The following TPPP2 variants were observed in gnomAD, a reference collection of about 807,000 sequenced individuals.
The protein encoded by TPPP2 is tubulin polymerization promoting protein family member 2.
Under a neutral mutation model 13.0 loss-of-function variants are expected in TPPP2, and 8 were observed. The observed-to-expected ratio is 0.62, with a 90% CI of 0.36 to 1.11. TPPP2 has a LOEUF of 1.11. Ranked by LOEUF, TPPP2 falls within the 50% of genes most tolerant of loss-of-function variation. The pLI is 0.02. For synonymous variants in TPPP2, 81 were observed against 81.8 expected (o/e 0.99, Z 0.05); for missense variants, 213 against 216.9 (o/e 0.98, Z 0.11).
intron 2 of TPPP2, 97 bp from the exon 3 acceptor site, chr14:21,030,915 G>A (rs1884057790): frequency 6.5e-7 from 1 of 1,530,986 alleles, no homozygotes; most frequent in Non-Finnish European, 8.8e-7. Flanking sequence ...CTGATTGATA[G>A]GACAAAAGAG....
upstream of TPPP2, chr14:21,025,295 A>G: frequency 1.1e-6 from 1 of 941,826 alleles, no homozygotes; most frequent in Non-Finnish European, 1.3e-6. This position sits in a 1 kb window ranked among gnomAD's most constrained non-coding sequence, Gnocchi z 5.1. Context: ...AAAACATTCC[A>G]CCACCCCCTC....
At chr14:21,036,149 C>A, downstream of TPPP2, 1 of 455,662 alleles carries the variant, frequency 2.2e-6, no homozygotes, top group Non-Finnish European at 4.4e-6. Flanking sequence ...CAATCTTAAA[C>A]TTTTCCCAAG....
In TPPP2 at chr14:21,032,059, C is replaced by G. The variant is rs76101114; in HGVS notation, c.495C>G (p.Tyr165Ter). 8,016 of 1,613,678 alleles carry G rather than the reference C, an allele frequency of 5.0e-3. 251 individuals are homozygous for G. In the African/African-American group the frequency reaches 0.078, roughly 16 times the overall value. ...YVSGYKGSGT[Y>*]DKKTK ...GTGGTTACAAGGGTTCTGGCACCTA[C>G]GATAAGAAGACCAAGTAGAGAGGAG... is the stretch of plus-strand genomic sequence containing the variant. The change falls in exon 4 of 4, where the codon TAC (tyrosine) becomes TAG (stop). Residue 165 changes from tyrosine (Y) to a stop codon, truncating the protein, a stop_gained. Transcript: ENST00000321760. LOFTEE classifies it high-confidence loss of function.
upstream of TPPP2, among the ~76,000 whole-genome samples, chr14:21,027,889 T>A (rs1186382707): frequency 6.6e-6 from 1 of 152,220 alleles, no homozygotes; most frequent in Non-Finnish European, 1.5e-5. Context: ...AGGGGCATTC[T>A]ATCCAGGCAC....
chr14:21,028,241 TTTTTG>T (rs71112541), upstream of TPPP2, among the ~76,000 whole-genome samples: 8 of 150,340 alleles, frequency 5.3e-5, no homozygotes, highest in South Asian at 2.1e-4. Context: ...CTTGGGGTTC[TTTTTG>T]TTTTGTTTTG....
downstream of TPPP2, chr14:21,034,424 G>T: frequency 1.5e-6 from 1 of 674,294 alleles, no homozygotes; most frequent in South Asian, 2.0e-5. Context: ...AAGTTCTCAT[G>T]ACCCAGAAAG....
intron 3 of TPPP2, 121 bp downstream of exon 3, chr14:21,031,286 T>C: frequency 7.6e-7 from 1 of 1,313,818 alleles, no homozygotes. Context: ...ACTTTAGAGA[T>C]CATCTAGACA....
chr14:21,028,160 C>G (rs986050267), upstream of TPPP2, among the ~76,000 whole-genome samples: 1 of 152,164 alleles, frequency 6.6e-6, no homozygotes, highest in Non-Finnish European at 1.5e-5. Context: ...CCCAAGTAGC[C>G]TGTCAAGTGT....
At chr14:21,026,418 GAACTTGAGCTGCCAACTGCAAC>G (rs1399953261), upstream of TPPP2, among the ~76,000 whole-genome samples, 2 of 151,174 alleles carry the variant, frequency 1.3e-5, no homozygotes, top group Admixed American at 1.3e-4. Flanking sequence ...ATGGCCAATG[GAACTTGAGCTGCCAACTGCAAC>G]ACCAGCACCG....
Position 21,030,544 on chromosome 14 carries a change from T to C in TPPP2, c.-38T>C, listed in dbSNP as rs1206132048. The C allele has an allele frequency of 1.3e-6, 2 of 1,596,566 alleles. No individual in the cohort carries two copies. The highest frequency in any genetic ancestry group is 1.7e-6 in the Non-Finnish European group (2 of 1,169,460). On this transcript the variant is annotated 5_prime_UTR_variant, in exon 2 of 4. Transcript: ENST00000321760. The stretch of plus-strand genomic sequence containing the variant: ...CTCCCCCTTCTCCTTCACCCCCAAG[T>C]GTCTCCCACGACTGCCCTCCCCGAC...
chr14:21,025,360 C>A, upstream of TPPP2: 1 of 985,424 alleles, frequency 1.0e-6, no homozygotes, highest in Non-Finnish European at 1.2e-6. This position sits in a 1 kb window ranked among gnomAD's most constrained non-coding sequence, Gnocchi z 5.1. Context: ...GAGAGGGATC[C>A]CTCGGCTGCC....
upstream of TPPP2, chr14:21,028,364 A>G (rs887766741): frequency 6.6e-6 from 1 of 152,068 alleles, no homozygotes; most frequent in African/African-American, 2.4e-5. Flanking sequence ...CAATCCTCCC[A>G]CTTCAGCCTC....
rs1438190653 is a variant in TPPP2, at chr14:21,030,248, G to A, written c.-126G>A. 3 of 251,424 alleles carry A rather than the reference G, an allele frequency of 1.2e-5. No individual in the cohort carries two copies. In the Admixed American group the frequency reaches 1.5e-4, roughly 12 times the overall value. 15.6% of individuals were successfully genotyped at this position (251,424 alleles called of 1,614,324 possible). The stretch of plus-strand genomic sequence containing the variant: ...ACAGCCAACCGGCTCCCACATATCT[G>A]CACACACTTAAATACAAAGGCCGGG... On this transcript the variant is annotated 5_prime_UTR_variant, in exon 1 of 4. Transcript: ENST00000321760.
At chr14:21,027,974 G>A (rs768531), upstream of TPPP2, among the ~76,000 whole-genome samples, 104,409 of 152,022 alleles carry the variant, frequency 0.69, 36,181 homozygotes, top group East Asian at 0.82. Flanking sequence ...AGCTTCCCAT[G>A]TATTATCCCC....
upstream of TPPP2, chr14:21,025,471 C>T: frequency 1.0e-6 from 1 of 985,448 alleles, no homozygotes; most frequent in Non-Finnish European, 1.2e-6. The surrounding 1 kb of genome is among the most constrained non-coding windows in gnomAD (Gnocchi z 5.1). Flanking sequence ...GGAGACGAAC[C>T]CGGGATACTG....
chr14:21,034,136 A>C (rs909333263), downstream of TPPP2: 6 of 1,614,200 alleles, frequency 3.7e-6, no homozygotes, highest in Non-Finnish European at 5.1e-6. Flanking sequence ...GACCATTACA[A>C]TAGCCCCGGA....
At position 21,032,044 on chromosome 14, in the gene TPPP2, G is replaced by A; in HGVS notation, c.480G>A (p.Lys160=). The A allele has an allele frequency of 5.6e-6, 9 of 1,614,140 alleles. No homozygotes were observed. The highest frequency in any genetic ancestry group is 2.7e-5 in the African/African-American group (2 of 75,036). ...ACACAGGCTATGTGAGTGGTTACAA[G>A]GGTTCTGGCACCTACGATAAGAAGA... is the stretch of plus-strand genomic sequence containing the variant. ...TDNTGYVSGY[K]GSGTYDKKTK The change falls in exon 4 of 4, where the codon AAG becomes AAA. Residue 160 remains lysine (K), a synonymous_variant. Transcript: ENST00000321760.
chr14:21,034,446 G>T, downstream of TPPP2: 1 of 630,060 alleles, frequency 1.6e-6, no homozygotes, highest in South Asian at 2.0e-5. Context: ...GGAGATGCTT[G>T]CCCAAGGCCA....
upstream of TPPP2, among the ~76,000 whole-genome samples, chr14:21,029,839 C>T: frequency 6.6e-6 from 1 of 152,248 alleles, no homozygotes; most frequent in East Asian, 1.9e-4. Flanking sequence ...TCTGCCAGCA[C>T]CTTGATCTTA....
Sources: gnomAD v4.1 joint callset for allele counts (sites outside exome capture counted in the v4.1 genomes callset) on GRCh38, gnomAD v4.1.1 for gene constraint, Gnocchi (gnomAD v3.1) non-coding constraint, MANE v1.5 for transcripts, NCBI Gene and HGNC (gene_info 2026-07-23, HGNC 2026-07-21) for gene names.